TNS3: variants seen among roughly 807,000 people sequenced by gnomAD.
TNS3 encodes tensin-3.
TNS3 carries 45 observed loss-of-function variants against 140.9 expected under a neutral mutation model. That is an observed-to-expected ratio of 0.32 (90% CI 0.25 to 0.41). TNS3 has a LOEUF of 0.41. TNS3 is among the 10% of genes least tolerant of loss of function. The pLI is 1.00. For synonymous variants in TNS3, 815 were observed against 788.4 expected (o/e 1.03, Z -0.56); for missense variants, 1,716 against 1,906.7 (o/e 0.90, Z 1.86).
At chr7:47,397,659 CA>C (rs1272358111) in intron 15 of TNS3, among the ~76,000 whole-genome samples, 7 of 152,168 alleles carry the variant, frequency 4.6e-5, no homozygotes, top group Admixed American at 4.6e-4. Context: ...CACAAGTTAT[CA>C]AAACCTCTGG....
chr7:47,408,768 C>CA (rs1236484056), intron 13 of TNS3, among the ~76,000 whole-genome samples: 2 of 152,202 alleles, frequency 1.3e-5, no homozygotes, highest in Non-Finnish European at 2.9e-5. Context: ...GACATCCTTA[C>CA]AACAGCATCA....
chr7:47,566,429 G>A (rs1800430221), intron 1 of TNS3, among the ~76,000 whole-genome samples: 1 of 152,194 alleles, frequency 6.6e-6, no homozygotes, highest in Admixed American at 6.5e-5. Context: ...TTTGCAAACT[G>A]CCTATGGAAT....
chr7:47,380,192 G>T (rs928450142), intron 16 of TNS3, among the ~76,000 whole-genome samples: 1 of 152,226 alleles, frequency 6.6e-6, no homozygotes, highest in South Asian at 2.1e-4. Flanking sequence ...CCCCACAGCC[G>T]TACTGACAGC....
intron 8 of TNS3, among the ~76,000 whole-genome samples, chr7:47,432,766 G>A (rs1003439340): frequency 1.3e-5 from 2 of 152,234 alleles, no homozygotes; most frequent in African/African-American, 4.8e-5. Context: ...ACTACGTATG[G>A]AACTGAAGTA....
At position 47,346,413 on chromosome 7, in the gene TNS3, C is replaced by T. The variant is rs955156249; in HGVS notation, c.2282-57G>A. 4.3e-5 allele frequency: 69 copies of T among 1,594,402 alleles called. No individual in the cohort carries two copies. The Admixed American group carries it at 9.7e-4, about 22-fold the overall frequency. On this transcript the variant is annotated intron_variant, in intron 17 of 30. Transcript: ENST00000311160. ...CGCTTCCTCAAGGCGGAGTGAGGCG[C>T]CCCTTCCTTAAATCTTGCCTGCTGC...
intron 2 of TNS3, among the ~76,000 whole-genome samples, chr7:47,523,467 A>T (rs1474290715): frequency 1.3e-5 from 2 of 152,162 alleles, no homozygotes; most frequent in African/African-American, 4.8e-5. Flanking sequence ...AGGGCACAAC[A>T]CTCACCACAT....
At chr7:47,530,260 A>G (rs1799343648) in intron 1 of TNS3, among the ~76,000 whole-genome samples, 1 of 152,242 alleles carries the variant, frequency 6.6e-6, no homozygotes, top group Non-Finnish European at 1.5e-5. Flanking sequence ...GGATGCGATT[A>G]CTGGCAGATT....
At chr7:47,412,768 G>A (rs1181507744) in intron 12 of TNS3, among the ~76,000 whole-genome samples, 1 of 151,834 alleles carries the variant, frequency 6.6e-6, no homozygotes, top group East Asian at 1.9e-4. Context: ...AATATTGTGG[G>A]AAATAAATAA....
In TNS3 at chr7:47,322,458, G is replaced by A. The variant is rs558485820; in HGVS notation, c.2651-17455C>T. ...AATCGCTTGAACCCGGGAGGCGGAG[G>A]TTGCAGTGAGCCAAGATCGCGCCAC... On this transcript the variant is annotated intron_variant, in intron 20 of 30. Transcript: ENST00000311160. 2.2e-3 allele frequency among the ~76,000 whole-genome samples: 337 copies of A among 152,082 alleles called. 1 individual carries two copies. The highest frequency in any genetic ancestry group is 7.4e-3 in the African/African-American group (306 of 41,464).
chr7:47,447,878 C>T (rs778554528), intron 4 of TNS3, among the ~76,000 whole-genome samples: 4 of 152,226 alleles, frequency 2.6e-5, no homozygotes, highest in African/African-American at 4.8e-5. Context: ...CTGTGAACTG[C>T]GGCTTCTTGC....
At chr7:47,470,946 T>G (rs1366574343) in intron 4 of TNS3, among the ~76,000 whole-genome samples, 1 of 149,892 alleles carries the variant, frequency 6.7e-6, no homozygotes, top group South Asian at 2.1e-4. Context: ...GTGTTTTGTT[T>G]TTTGTTTTTT....
intron 2 of TNS3, among the ~76,000 whole-genome samples, chr7:47,519,304 A>G (rs1166356640): frequency 6.8e-6 from 1 of 147,574 alleles, no homozygotes; most frequent in South Asian, 2.2e-4. Flanking sequence ...CTGCATCTCC[A>G]TCAGATATTC....
At chr7:47,327,126 G>C (rs568821997) in intron 20 of TNS3, among the ~76,000 whole-genome samples, 1 of 152,358 alleles carries the variant, frequency 6.6e-6, no homozygotes, top group South Asian at 2.1e-4. Flanking sequence ...CCAGTGCCTG[G>C]CTGACTCTCC....
chr7:47,326,444 G>T (rs1194222361), intron 20 of TNS3, among the ~76,000 whole-genome samples: 1 of 152,142 alleles, frequency 6.6e-6, no homozygotes, highest in African/African-American at 2.4e-5. Flanking sequence ...TGCCCCTACA[G>T]GAGGACAAGG....
intron 4 of TNS3, among the ~76,000 whole-genome samples, chr7:47,477,506 G>A (rs982886081): frequency 2.0e-5 from 3 of 152,190 alleles, no homozygotes; most frequent in Admixed American, 2.0e-4. Flanking sequence ...GAGAGCAGAA[G>A]CCCCTTAGTG....
At chr7:47,341,109 G>C (rs1384110047) in intron 20 of TNS3, among the ~76,000 whole-genome samples, 1 of 152,146 alleles carries the variant, frequency 6.6e-6, no homozygotes, top group African/African-American at 2.4e-5. Context: ...GCTACAGTGT[G>C]TCAATCTTTT....
chr7:47,382,032 A>G (rs1202284438), intron 16 of TNS3, among the ~76,000 whole-genome samples: 3 of 152,170 alleles, frequency 2.0e-5, no homozygotes, highest in African/African-American at 7.2e-5. Context: ...AGCTAACTGT[A>G]TGTCTAGATA....
rs1355941357 is a variant in TNS3, at chr7:47,304,963, C to A, written c.2691G>T (p.Gly897=). 1 of 1,411,782 alleles carries A rather than the reference C, an allele frequency of 7.1e-7. No individual in the cohort carries two copies. The highest frequency in any genetic ancestry group is 9.4e-7 in the Non-Finnish European group (1 of 1,069,254). 87.5% of individuals were successfully genotyped at this position (1,411,782 alleles called of 1,614,324 possible). A position where few individuals can be genotyped will look rare whatever the true frequency, so the allele number is the denominator to read the frequency against. The change falls in exon 21 of 31, where the codon GGG becomes GGT. Residue 897 remains glycine, a synonymous_variant. Coordinates refer to ENST00000311160, the MANE Select transcript of TNS3 (RefSeq NM_022748.12). ...TGGGTCCGATGGGGCTCTCTGACATCCCCACAGCGTGAGTGAGCGTCTCAG... is the reference window on the plus strand; with the variant it reads ...TGGGTCCGATGGGGCTCTCTGACATACCCACAGCGTGAGTGAGCGTCTCAG... ...SCPETLTHAV[G]MSESPIGPKS...
rs559448276 is a variant in TNS3, at chr7:47,277,753, G to A, written c.*323C>T. On this transcript the variant is annotated 3_prime_UTR_variant, in exon 31 of 31. Coordinates refer to ENST00000311160, the MANE Select transcript of TNS3 (RefSeq NM_022748.12). ...AATGCTAGTGTGCCAGGGACATGGG[G>A]ACCACCTCGTGTTCTGTGCTGTTTC... is the stretch of plus-strand genomic sequence containing the variant. The A allele has an allele frequency of 4.0e-4, 155 of 390,314 alleles. No individual in the cohort carries two copies. The highest frequency in any genetic ancestry group is 3.2e-3 in the African/African-American group (153 of 48,370). 24.2% of individuals were successfully genotyped at this position (390,314 alleles called of 1,614,324 possible).
Sources: allele counts gnomAD v4.1 joint callset (sites outside exome capture counted in the v4.1 genomes callset), GRCh38; gene constraint gnomAD v4.1.1; transcripts MANE v1.5; gene names NCBI Gene and HGNC (gene_info 2026-07-23, HGNC 2026-07-21).